Variants in LRMDA observed in about 807,000 individuals in gnomAD.
The protein encoded by LRMDA is leucine rich melanocyte differentiation associated, also known as leucine-rich melanocyte differentiation-associated protein.
A neutral mutation model predicts 29.8 loss-of-function variants in LRMDA; 18 were observed. The observed-to-expected ratio is 0.60, with a 90% CI of 0.42 to 0.90. The LOEUF is 0.90. LRMDA is among the 40% of genes least tolerant of loss of function. The pLI is 0.00. For synonymous variants in LRMDA, 125 were observed against 109.4 expected, an observed-to-expected ratio of 1.14 and a Z score of -0.89; for missense variants, 273 against 273.9, an observed-to-expected ratio of 1.00 and a Z score of 0.02.
intron 5 of LRMDA, 57 bp downstream of exon 5, chr10:76,058,840 C>T (rs1454970407): frequency 1.0e-5 from 13 of 1,288,372 alleles, no homozygotes; most frequent in African/African-American, 8.8e-5. Flanking sequence ...GCAGTGCTTA[C>T]ACCCCAGGGC....
intron 2 of LRMDA, among the ~76,000 whole-genome samples, chr10:75,816,550 G>C (rs941445951): frequency 6.6e-6 from 1 of 152,220 alleles, no homozygotes; most frequent in Admixed American, 6.5e-5. Flanking sequence ...AAGGAAAGAA[G>C]TTGTGGCATA....
intron 4 of LRMDA, among the ~76,000 whole-genome samples, chr10:76,053,779 T>G (rs1848567461): frequency 6.6e-6 from 1 of 152,200 alleles, no homozygotes; most frequent in Admixed American, 6.5e-5. Flanking sequence ...GGAGACCCTT[T>G]GCTGCCTCAC....
At chr10:75,464,288 T>C (rs945319215) in intron 2 of LRMDA, among the ~76,000 whole-genome samples, 34 of 152,246 alleles carry the variant, frequency 2.2e-4, no homozygotes, top group African/African-American at 8.0e-4. Flanking sequence ...GTTGTGCACA[T>C]GTGCTCACTG....
chr10:76,291,167 G>A (rs1311192425), intron 5 of LRMDA, among the ~76,000 whole-genome samples: 1 of 152,122 alleles, frequency 6.6e-6, no homozygotes, highest in East Asian at 1.9e-4. Context: ...TCTTAGGAGG[G>A]ATGCAACATT....
At chr10:75,456,096 AAGGAC>A (rs1844512486) in intron 2 of LRMDA, among the ~76,000 whole-genome samples, 1 of 152,242 alleles carries the variant, frequency 6.6e-6, no homozygotes, top group Non-Finnish European at 1.5e-5. Flanking sequence ...CCAGCCAAGT[AAGGAC>A]TCAAGGTATG....
At chr10:75,947,733 T>A (rs1466775025) in intron 2 of LRMDA, among the ~76,000 whole-genome samples, 6 of 152,222 alleles carry the variant, frequency 3.9e-5, no homozygotes, top group Non-Finnish European at 7.3e-5. Context: ...TGGCACATAG[T>A]AGGGGCTCTA....
intron 5 of LRMDA, among the ~76,000 whole-genome samples, chr10:76,285,433 T>TA (rs10552977): frequency 1.1e-3 from 168 of 149,126 alleles, no homozygotes; most frequent in Middle Eastern, 3.4e-3. Context: ...TGCTAAATAT[T>TA]AAAAAAAAAA....
intron 2 of LRMDA, among the ~76,000 whole-genome samples, chr10:75,462,436 G>T (rs909672015): frequency 6.6e-6 from 1 of 152,136 alleles, no homozygotes; most frequent in African/African-American, 2.4e-5. Context: ...TGTCTTTGTC[G>T]GAATGAGAAA....
Position 75,676,596 on chromosome 10 carries a change from C to A in LRMDA, c.131+238102C>A, listed in dbSNP as rs553574701. 6.6e-5 allele frequency among the ~76,000 whole-genome samples: 10 copies of A among 152,304 alleles called. No homozygotes were observed. The East Asian group carries it at 1.9e-3, about 29-fold the overall frequency. On this transcript the variant is annotated intron_variant, in intron 2 of 6. Transcript: ENST00000611255. ...TGGGGTTGCCATGGAATTCCTGTTTCCTCCAAAACAATTCCTCTGTCTTTG... is the reference window on the plus strand; with the variant it reads ...TGGGGTTGCCATGGAATTCCTGTTTACTCCAAAACAATTCCTCTGTCTTTG...
chr10:75,667,668 A>G (rs560318636), intron 2 of LRMDA, among the ~76,000 whole-genome samples: 8 of 152,254 alleles, frequency 5.3e-5, no homozygotes, highest in South Asian at 4.1e-4. Flanking sequence ...CACTTCTTCT[A>G]CTTTGGGCTT....
intron 2 of LRMDA, among the ~76,000 whole-genome samples, chr10:75,631,477 C>T (rs1589140513): frequency 6.6e-6 from 1 of 151,940 alleles, no homozygotes; most frequent in South Asian, 2.1e-4. Flanking sequence ...CCCCAAATCT[C>T]CCTTAGTGTG....
chr10:76,238,407 T>G (rs1297795447), intron 5 of LRMDA, among the ~76,000 whole-genome samples: 1 of 152,186 alleles, frequency 6.6e-6, no homozygotes, highest in Non-Finnish European at 1.5e-5. Flanking sequence ...AACTGAAGTC[T>G]GTTGCCTGTA....
At position 76,193,816 on chromosome 10, in the gene LRMDA, G is replaced by A. The variant is rs191898504; in HGVS notation, c.517-130585G>A. ...CAAGCAGAAAATTATAGTAAAATGT[G>A]ATAAAATGTGTATAAGGAGAGGCCT... On this transcript the variant is annotated intron_variant, in intron 5 of 6. Transcript: ENST00000611255. 8.7e-3 allele frequency among the ~76,000 whole-genome samples: 1,320 copies of A among 152,238 alleles called. 21 individuals carry two copies. Among genetic ancestry groups the A allele is most frequent in the African/African-American group, 0.03 (1,241 of 41,536 alleles).
intron 5 of LRMDA, among the ~76,000 whole-genome samples, chr10:76,265,276 G>T (rs557865121): frequency 6.6e-6 from 1 of 152,114 alleles, no homozygotes; most frequent in African/African-American, 2.4e-5. Context: ...GTTGAATAAC[G>T]GTTTGGAGTT....
intron 5 of LRMDA, among the ~76,000 whole-genome samples, chr10:76,145,091 T>G: frequency 6.6e-6 from 1 of 152,226 alleles, no homozygotes; most frequent in Non-Finnish European, 1.5e-5. Flanking sequence ...GGATTCGGTT[T>G]GCCAGTATTT....
At chr10:75,466,986 A>G (rs573030483) in intron 2 of LRMDA, among the ~76,000 whole-genome samples, 105 of 152,056 alleles carry the variant, frequency 6.9e-4, no homozygotes, top group Non-Finnish European at 1.3e-3. Context: ...TTCAGCAGTT[A>G]CCAAATGCTT....
At chr10:76,155,787 C>CT (rs1387074944) in intron 5 of LRMDA, among the ~76,000 whole-genome samples, 1 of 152,170 alleles carries the variant, frequency 6.6e-6, no homozygotes, top group Non-Finnish European at 1.5e-5. Context: ...ATGACGCAGT[C>CT]TATCCTGACT....
chr10:76,466,986 T>C (rs1842570973), intron 6 of LRMDA, among the ~76,000 whole-genome samples: 1 of 152,216 alleles, frequency 6.6e-6, no homozygotes, highest in African/African-American at 2.4e-5. Flanking sequence ...TATCATCACT[T>C]ACTTAACCAA....
chr10:76,427,510 C>T (rs181945393), intron 6 of LRMDA, among the ~76,000 whole-genome samples: 14 of 152,246 alleles, frequency 9.2e-5, no homozygotes, highest in Admixed American at 2.6e-4. Flanking sequence ...TGGGCTGAGA[C>T]GATGGGGTTT....
Sources: allele counts gnomAD v4.1 joint callset (sites outside exome capture counted in the v4.1 genomes callset), GRCh38; gene constraint gnomAD v4.1.1; transcripts MANE v1.5; gene names NCBI Gene and HGNC (gene_info 2026-07-23, HGNC 2026-07-21).